TSGA10: variants seen among roughly 807,000 people sequenced by gnomAD.
TSGA10 encodes testis-specific gene 10 protein.
A neutral mutation model predicts 96.6 loss-of-function variants in TSGA10; 43 were observed. The ratio of observed to expected loss-of-function variants is 0.44; its 90% CI spans 0.35 to 0.57. The LOEUF (loss-of-function observed/expected upper bound fraction) is 0.57, where lower values mean the gene tolerates loss of function less well. Ranked by LOEUF, TSGA10 falls within the 20% of genes least tolerant of loss-of-function variation. TSGA10 has a pLI of 0.01. For synonymous variants in TSGA10, 229 were observed against 269.9 expected (o/e 0.85, Z 1.48); for missense variants, 703 against 834.4 (o/e 0.84, Z 1.94).
At chr2:99,024,508 G>T (rs1034683625) in intron 17 of TSGA10, among the ~76,000 whole-genome samples, 1 of 152,038 alleles carries the variant, frequency 6.6e-6, no homozygotes. Flanking sequence ...TATTGATCTT[G>T]TGTCCTACAA....
chr2:99,117,275 G>A (rs1169792714), intron 4 of TSGA10: 2 of 152,212 alleles, frequency 1.3e-5, no homozygotes, highest in Admixed American at 1.3e-4. Context: ...TTGGGAAGTG[G>A]GAGCAACATT....
chr2:99,003,820 T>C (rs2078202341), intron 20 of TSGA10, among the ~76,000 whole-genome samples: 1 of 152,336 alleles, frequency 6.6e-6, no homozygotes, highest in Non-Finnish European at 1.5e-5. Context: ...GGGAAATTTA[T>C]AGCATTAAAT....
chr2:99,053,239 T>C (rs1026588044), intron 16 of TSGA10, among the ~76,000 whole-genome samples: 2 of 152,062 alleles, frequency 1.3e-5, no homozygotes, highest in African/African-American at 4.8e-5. Context: ...GACTTCCAAA[T>C]TCATTTTAGT....
chr2:99,079,322 A>G (rs1008955059), intron 11 of TSGA10, among the ~76,000 whole-genome samples: 4 of 152,192 alleles, frequency 2.6e-5, no homozygotes, highest in Admixed American at 2.6e-4. Context: ...AATTCCTAGG[A>G]AAAAAAATCA....
chr2:99,029,747 T>A (rs528576303), intron 17 of TSGA10, among the ~76,000 whole-genome samples: 2 of 152,298 alleles, frequency 1.3e-5, no homozygotes, highest in East Asian at 3.9e-4. Flanking sequence ...GAAATCCCTC[T>A]ACTTGATAAA....
rs756517951 is a variant in TSGA10, at chr2:99,108,965, CAA to C, written c.76_77del (p.Leu26GlufsTer8). On this transcript the variant is annotated frameshift_variant, in exon 7 of 21. Coordinates refer to ENST00000393483, the MANE Select transcript of TSGA10 (RefSeq NM_025244.4). LOFTEE classifies it high-confidence loss of function. ...ARGANCDVEL[L>X]KTTTRDREEL... is the part of the protein sequence containing the mutation. ...CTTCACGATCTCTTGTTGTTGTCTT[CAA>C]AAGTTCTACATCACAGTTTGCACCC... 2 of 1,592,532 alleles carry C rather than the reference CAA, an allele frequency of 1.3e-6. No homozygotes were observed. Among genetic ancestry groups the C allele is most frequent in the Non-Finnish European group, 1.7e-6 (2 of 1,173,796 alleles).
chr2:99,056,483 C>T (rs1168254474), intron 16 of TSGA10, among the ~76,000 whole-genome samples: 1 of 151,974 alleles, frequency 6.6e-6, no homozygotes, highest in Admixed American at 6.6e-5. Flanking sequence ...TCCTAGAAAA[C>T]ACAAACTAGC....
At chr2:99,026,488 C>T (rs1002341559) in intron 17 of TSGA10, among the ~76,000 whole-genome samples, 8 of 151,642 alleles carry the variant, frequency 5.3e-5, no homozygotes, top group Non-Finnish European at 1.0e-4. Flanking sequence ...GGCATGATCT[C>T]GGCTCACTGT....
intron 10 of TSGA10, among the ~76,000 whole-genome samples, chr2:99,092,469 C>CA (rs961981606): frequency 3.3e-5 from 5 of 151,392 alleles, no homozygotes; most frequent in African/African-American, 7.3e-5. Flanking sequence ...ACAAAAAACA[C>CA]AAAAAAATTC....
rs1202274682 is a variant in TSGA10 at position 99,032,093 on chromosome 2, T to G, written c.1614+3137A>C. 2.0e-5 allele frequency among the ~76,000 whole-genome samples: 3 copies of G among 152,242 alleles called. No individual in the cohort carries two copies. In the East Asian group the frequency reaches 5.8e-4, roughly 29 times the overall value. On this transcript the variant is annotated intron_variant, in intron 17 of 20. Coordinates refer to ENST00000393483, the MANE Select transcript of TSGA10 (RefSeq NM_025244.4). ...GGCAAGTGAGTTGATGTGCTTCAAT[T>G]GTACAGTTGCATCTAGTGGCAGGCT...
In TSGA10 at chr2:99,068,947, G is replaced by T; in HGVS notation, c.1159C>A (p.Gln387Lys). The T allele has an allele frequency of 6.8e-7, 1 of 1,476,432 alleles. No individual in the cohort carries two copies. The highest frequency in any genetic ancestry group is 8.9e-7 in the Non-Finnish European group (1 of 1,118,610). 91.5% of individuals were successfully genotyped at this position (1,476,432 alleles called of 1,614,324 possible). Residue 387 changes from glutamine (Q) to lysine (K), a missense_variant, in exon 15 of 21, where the codon CAG (glutamine) becomes AAG (lysine). Physicochemically the swap from Gln to Lys is moderately conservative, Grantham distance 53. Around this residue, in one of 3 missense-constraint regions of TSGA10, gnomAD observed 585 missense variants for 656.8 expected, o/e 0.89. Transcript: ENST00000393483. ...TCCAAATTAGTATCTTGAACCTTCT[G>T]TTTTATGTCATTAAGTTCATTATGA... The part of the protein sequence containing the change: ...DTHNELNDIK[Q>K]KVQDTNLEVN...
At position 99,135,925 on chromosome 2, in the gene TSGA10, C is replaced by T. The variant is rs2093304211; in HGVS notation, c.-620-8749G>A. Among the ~76,000 whole-genome samples, 4 of 148,886 alleles carry T rather than the reference C, an allele frequency of 2.7e-5. No individual in the cohort carries two copies. In the Admixed American group the frequency reaches 2.7e-4, roughly 10 times the overall value. Reference sequence around the variant, plus strand: ...TCGAGAGGCTGAGGCAGGAGAATCACTTGAACCTGAGAGGTGGAGGTTGCA... The same window carrying T: ...TCGAGAGGCTGAGGCAGGAGAATCATTTGAACCTGAGAGGTGGAGGTTGCA... On this transcript the variant is annotated intron_variant, in intron 1 of 20. Coordinates refer to ENST00000393483, the MANE Select transcript of TSGA10 (RefSeq NM_025244.4).
At chr2:99,042,765 G>A (rs746622638) in intron 16 of TSGA10, among the ~76,000 whole-genome samples, 33 of 151,566 alleles carry the variant, frequency 2.2e-4, no homozygotes, top group East Asian at 3.9e-4. Context: ...GTGTAGTGGC[G>A]TGATCTCAGC....
At chr2:99,081,190 A>T (rs549274534) in intron 11 of TSGA10, 92 bp downstream of exon 11, 1 of 609,258 alleles carries the variant, frequency 1.6e-6, no homozygotes, top group African/African-American at 1.9e-5. Context: ...CTTGTTTCCA[A>T]GTTTTTCTAT....
intron 16 of TSGA10, among the ~76,000 whole-genome samples, chr2:99,039,786 C>T (rs780389346): frequency 6.6e-6 from 1 of 152,080 alleles, no homozygotes; most frequent in Non-Finnish European, 1.5e-5. Context: ...CAATATCACA[C>T]TAATACCAAA....
chr2:98,998,225 T>C lies in TSGA10; in HGVS notation c.2073-4A>G. 6.3e-7 allele frequency: 1 copy of C among 1,594,872 alleles called. No individual in the cohort carries two copies. Among genetic ancestry groups the C allele is most frequent in the Non-Finnish European group, 8.5e-7 (1 of 1,172,556 alleles). On this transcript the variant is annotated splice_polypyrimidine_tract_variant and splice_region_variant and intron_variant, in intron 20 of 20. Coordinates refer to ENST00000393483, the MANE Select transcript of TSGA10 (RefSeq NM_025244.4). ...GAAATCTCTGTAGCAAAGATTCCTA[T>C]AAGAGAAAAAATCATGCTGATTAAT...
intron 10 of TSGA10, among the ~76,000 whole-genome samples, chr2:99,084,734 T>C (rs2088027236): frequency 6.6e-6 from 1 of 152,086 alleles, no homozygotes; most frequent in South Asian, 2.1e-4. Flanking sequence ...CAGAAAGTGA[T>C]AGTGGTTTTA....
chr2:99,096,938 A>G (rs747513353), intron 10 of TSGA10, among the ~76,000 whole-genome samples: 4 of 152,196 alleles, frequency 2.6e-5, no homozygotes, highest in Non-Finnish European at 4.4e-5. Context: ...TAGAGAACTG[A>G]TATTACTAAA....
chr2:99,109,660 G>T, intron 5 of TSGA10, 148 bp from the exon 6 acceptor site: 1 of 502,108 alleles, frequency 2.0e-6, no homozygotes. Flanking sequence ...CATTTAATTT[G>T]GTATTTTTTA....
Sources: gnomAD v4.1 joint callset for allele counts (sites outside exome capture counted in the v4.1 genomes callset) on GRCh38, gnomAD v4.1.1 for gene constraint, gnomAD v4.1.1 regional missense constraint, MANE v1.5 for transcripts, NCBI Gene and HGNC (gene_info 2026-07-23, HGNC 2026-07-21) for gene names.